NRAP: variants seen among roughly 807,000 people sequenced by gnomAD.
NRAP encodes the protein nebulin-related-anchoring protein.
Under a neutral mutation model 225.9 loss-of-function variants are expected in NRAP, and 189 were observed. That is an observed-to-expected ratio of 0.84 (90% CI 0.74 to 0.94). The LOEUF (loss-of-function observed/expected upper bound fraction) is 0.94, where lower values mean the gene tolerates loss of function less well. Among genes scored for constraint, NRAP ranks in the 40% least tolerant of loss-of-function variants. The pLI is 0.00. For missense variants in NRAP, 2,176 were observed against 2,168.7 expected (o/e 1.00, Z -0.07); for synonymous variants, 769 against 790.7 (o/e 0.97, Z 0.46).
intron 5 of NRAP, 151 bp from the exon 6 acceptor site, chr10:113,653,190 A>G (rs1222677566): frequency 1.6e-5 from 9 of 561,682 alleles, no homozygotes; most frequent in Non-Finnish European, 6.2e-6. Flanking sequence ...CTTATAATTG[A>G]CCATTTGAAT....
At chr10:113,653,897 C>G (rs1850141334) in intron 5 of NRAP, 124 bp downstream of exon 5, 2 of 732,332 alleles carry the variant, frequency 2.7e-6, no homozygotes, top group East Asian at 4.9e-5. Flanking sequence ...GGGATTAGGA[C>G]ATGGGTATCT....
At chr10:113,644,466 A>C (rs894054618) in intron 11 of NRAP, among the ~76,000 whole-genome samples, 21 of 152,208 alleles carry the variant, frequency 1.4e-4, no homozygotes, top group Non-Finnish European at 7.4e-5. Context: ...GTAGCTCCAA[A>C]GCAGCCACAG....
chr10:113,604,461 T>G, intron 35 of NRAP, 148 bp downstream of exon 35: 3 of 651,080 alleles, frequency 4.6e-6, no homozygotes, highest in Non-Finnish European at 7.9e-6. Flanking sequence ...CCAACCTAAA[T>G]GACATAGACC....
intron 7 of NRAP, 37 bp downstream of exon 7, chr10:113,651,766 G>C: frequency 8.2e-7 from 1 of 1,223,272 alleles, no homozygotes; most frequent in Non-Finnish European, 1.2e-6. Flanking sequence ...CAACCCAAAT[G>C]CCCATCAGTG....
intron 32 of NRAP, among the ~76,000 whole-genome samples, chr10:113,607,923 A>G (rs778997463): frequency 6.6e-6 from 1 of 151,928 alleles, no homozygotes; most frequent in Non-Finnish European, 1.5e-5. Context: ...GAGTGAGAAG[A>G]GGAGAAGGTA....
chr10:113,604,177 C>G (rs146229438), intron 35 of NRAP, among the ~76,000 whole-genome samples: 2,604 of 152,166 alleles, frequency 0.017, 96 homozygotes, highest in African/African-American at 0.06. Context: ...AGTGCAGTGG[C>G]GCGATCTCAG....
chr10:113,605,789 G>T lies in NRAP; in HGVS notation c.3888C>A (p.Ala1296=), dbSNP rs1311133739. The change falls in exon 34 of 42, where the codon GCC becomes GCA. Residue 1296 remains alanine (A), a synonymous_variant. Transcript: ENST00000359988. ...CACTGGCTATATCTCCAGAGGCCCG[G>T]GCAGCCTGGAAGGGGAGCGCTTCTA... is the stretch of plus-strand genomic sequence containing the variant. ...LTIEALPFQA[A]RASGDIASDF... is the part of the protein sequence containing the mutation. 38 of 1,613,752 alleles carry T rather than the reference G, an allele frequency of 2.4e-5. No homozygotes were observed. In the East Asian group the frequency reaches 8.5e-4, roughly 36 times the overall value.
chr10:113,611,629 A>C (rs1030649086), intron 30 of NRAP, among the ~76,000 whole-genome samples: 6 of 152,178 alleles, frequency 3.9e-5, no homozygotes, highest in African/African-American at 1.4e-4. Context: ...AAGGGACCCA[A>C]GGAGGGTCTC....
At chr10:113,631,288 T>C (rs1322464227) in intron 18 of NRAP, among the ~76,000 whole-genome samples, 2 of 152,150 alleles carry the variant, frequency 1.3e-5, no homozygotes, top group African/African-American at 2.4e-5. Context: ...GATCAGCAGA[T>C]GCTGTCACCC....
intron 14 of NRAP, among the ~76,000 whole-genome samples, chr10:113,638,350 A>G (rs980770199): frequency 6.6e-6 from 1 of 152,150 alleles, no homozygotes; most frequent in Non-Finnish European, 1.5e-5. Context: ...TCTTTTTGCT[A>G]AAGATAGAGT....
intron 27 of NRAP, 71 bp downstream of exon 27, chr10:113,615,641 C>T (rs1029180446): frequency 2.5e-6 from 2 of 807,416 alleles, no homozygotes; most frequent in African/African-American, 1.7e-5. Flanking sequence ...GAGCACAGGG[C>T]ATTGTGTGCC....
chr10:113,631,612 T>C lies in NRAP; in HGVS notation c.1741-2A>G, dbSNP rs749751347. On this transcript the variant is annotated splice_acceptor_variant, in intron 17 of 41. Coordinates refer to ENST00000359988, the MANE Select transcript of NRAP (RefSeq NM_198060.4). LOFTEE classifies it high-confidence loss of function. ...TTCATATTCTTCTTTATATTTAATC[T>C]TGAGAGAAAGAAGAAGGTCTACTGT... 1 of 1,591,020 alleles carries C rather than the reference T, an allele frequency of 6.3e-7. No homozygotes were observed. Among genetic ancestry groups the C allele is most frequent in the South Asian group, 1.1e-5 (1 of 90,330 alleles).
Position 113,642,385 on chromosome 10 carries a change from T to A in NRAP, c.1215+549A>T, listed in dbSNP as rs116022210. 9.0e-3 allele frequency among the ~76,000 whole-genome samples: 1,368 copies of A among 152,244 alleles called. 25 individuals are homozygous for A. Among genetic ancestry groups the A allele is most frequent in the African/African-American group, 0.031 (1,304 of 41,524 alleles). ...AGTCCCTTGCAATTTTAAATTCTAC[T>A]ATTATGTGCAACTAAGCAAAAGTAA... On this transcript the variant is annotated intron_variant, in intron 12 of 41. Transcript: ENST00000359988.
intron 20 of NRAP, among the ~76,000 whole-genome samples, chr10:113,626,378 T>C (rs1020020573): frequency 2.0e-5 from 3 of 152,220 alleles, no homozygotes; most frequent in Non-Finnish European, 4.4e-5. Flanking sequence ...TCTTCCTCAG[T>C]AACCCTGTAT....
Position 113,622,074 on chromosome 10 carries a change from T to A in NRAP, c.2564A>T (p.Gln855Leu). 1.2e-6 allele frequency: 2 copies of A among 1,614,226 alleles called. No homozygotes were observed. The highest frequency in any genetic ancestry group is 1.7e-6 in the Non-Finnish European group (2 of 1,180,014). ...TCCCTTCTTGTACTCCAGCTCACTC[T>A]GCAGCTTGGACATTTGCAGTGAGTG... The part of the protein sequence containing the change: ...MSHSLQMSKL[Q>L]SELEYKKGFE... The change falls in exon 24 of 42, where the codon CAG becomes CTG. Residue 855 changes from glutamine (Q) to leucine (L), a missense_variant. Coordinates refer to ENST00000359988, the MANE Select transcript of NRAP (RefSeq NM_198060.4).
chr10:113,615,907 G>C, intron 26 of NRAP, 91 bp from the exon 27 acceptor site: 1 of 751,904 alleles, frequency 1.3e-6, no homozygotes, highest in Non-Finnish European at 2.4e-6. Flanking sequence ...AGCTGCTGCA[G>C]CTGCCACCTC....
At chr10:113,627,595 T>C (rs1848357135) in intron 20 of NRAP, among the ~76,000 whole-genome samples, 1 of 152,188 alleles carries the variant, frequency 6.6e-6, no homozygotes, top group South Asian at 2.1e-4. Flanking sequence ...TGCTTTTCTC[T>C]CCACCTCATT....
chr10:113,631,556 C>G lies in NRAP; in HGVS notation c.1795G>C (p.Asp599His). The G allele has an allele frequency of 1.2e-6, 2 of 1,613,402 alleles. No homozygotes were observed. Among genetic ancestry groups the G allele is most frequent in the South Asian group, 1.1e-5 (1 of 90,992 alleles). The change falls in exon 18 of 42, where the codon GAC becomes CAC. Residue 599 changes from aspartate to histidine, a missense_variant. Transcript: ENST00000359988. Reference sequence around the variant, plus strand: ...TGCAGGGAGTGCAGAAGCCTAGAGTCGGCTGTTCCCATGGCTTTGCCTTTT... The same window carrying G: ...TGCAGGGAGTGCAGAAGCCTAGAGTGGGCTGTTCCCATGGCTTTGCCTTTT... The part of the protein sequence containing the change: ...KTKGKAMGTA[D>H]SRLLHSLQIA...
In NRAP at chr10:113,626,066, C is replaced by G. The variant is rs774009642; in HGVS notation, c.2225G>C (p.Ser742Thr). The G allele has an allele frequency of 2.5e-6, 4 of 1,612,242 alleles. No individual in the cohort carries two copies. The highest frequency in any genetic ancestry group is 2.2e-5 in the East Asian group (1 of 44,822). The change falls in exon 21 of 42, where the codon AGC becomes ACC. Residue 742 changes from serine to threonine, a missense_variant. By Grantham distance (58) the Ser-to-Thr change is moderately conservative. Coordinates refer to ENST00000359988, the MANE Select transcript of NRAP (RefSeq NM_198060.4). Reference sequence around the variant, plus strand: ...ACTCACCCCGCTCTGTAGCTCCTGGCTCTTCTTGGCGTGCTCCATCTGGGA... The same window carrying G: ...ACTCACCCCGCTCTGTAGCTCCTGGGTCTTCTTGGCGTGCTCCATCTGGGA... The part of the protein sequence containing the change: ...DSSQMEHAKK[S>T]QELQSGVAYK...
Sources: allele counts gnomAD v4.1 joint callset (sites outside exome capture counted in the v4.1 genomes callset), GRCh38; gene constraint gnomAD v4.1.1; transcripts MANE v1.5; gene names NCBI Gene and HGNC (gene_info 2026-07-23, HGNC 2026-07-21).